ZFHX3: variants seen among roughly 807,000 people sequenced by gnomAD.
ZFHX3 encodes zinc finger homeobox protein 3.
In ZFHX3, 42 loss-of-function variants were observed where a neutral mutation model predicts 279.1. That is an observed-to-expected ratio of 0.15 (90% confidence interval 0.12 to 0.19). The LOEUF is 0.19. Ranked by LOEUF, ZFHX3 falls within the 10% of genes least tolerant of loss-of-function variation. The pLI, the probability that ZFHX3 is intolerant of heterozygous loss-of-function variation, is 1.00. For missense variants in ZFHX3, 4,981 were observed against 4,754.0 expected (o/e 1.05, Z -1.40); for synonymous variants, 2,293 against 1,957.8 (o/e 1.17, Z -4.52).
chr16:73,583,867 G>A (rs1366337610), intron 2 of ZFHX3, among the ~76,000 whole-genome samples: 1 of 152,044 alleles, frequency 6.6e-6, no homozygotes, highest in Admixed American at 6.6e-5. Context: ...TTCTGATAGA[G>A]ACTGTAATAT....
At chr16:73,541,952 C>T (rs1376861445) in intron 2 of ZFHX3, among the ~76,000 whole-genome samples, 1 of 151,844 alleles carries the variant, frequency 6.6e-6, no homozygotes, top group Non-Finnish European at 1.5e-5. Flanking sequence ...TAGGCACCTG[C>T]CACCGTGCCT....
chr16:73,461,292 G>A (rs2018466426), intron 2 of ZFHX3, among the ~76,000 whole-genome samples: 1 of 152,038 alleles, frequency 6.6e-6, no homozygotes, highest in Non-Finnish European at 1.5e-5. Context: ...TCTTTATATA[G>A]TCTAAATACT....
At chr16:73,338,917 G>A (rs1360614659) in intron 3 of ZFHX3, among the ~76,000 whole-genome samples, 1 of 152,124 alleles carries the variant, frequency 6.6e-6, no homozygotes, top group East Asian at 1.9e-4. Context: ...TAAAAAATGT[G>A]TGGCACCTAC....
chr16:73,796,021 G>A (rs148929942), intron 1 of ZFHX3, among the ~76,000 whole-genome samples: 2,552 of 152,282 alleles, frequency 0.017, 59 homozygotes, highest in African/African-American at 0.058. Context: ...CGGCCATTGC[G>A]TGAATCACAG....
rs143735837 is a variant in ZFHX3 at position 73,245,012 on chromosome 16, C to T, written c.-1104+12035G>A. The stretch of plus-strand genomic sequence containing the variant: ...ATTAACAGAGCCCAGCTCTATATAG[C>T]TTTGACCAGAGAAACTGGTGATCTC... On this transcript the variant is annotated intron_variant, in intron 5 of 17. Coordinates refer to the ZFHX3 transcript ENST00000641206. Among the ~76,000 whole-genome samples, 334 of 152,284 alleles carry T rather than the reference C, an allele frequency of 2.2e-3. 1 individual carries two copies. The highest frequency in any genetic ancestry group is 0.01 in the Middle Eastern group (3 of 294).
intron 2 of ZFHX3, among the ~76,000 whole-genome samples, chr16:73,519,565 T>C (rs1396478516): frequency 6.6e-6 from 1 of 152,138 alleles, no homozygotes; most frequent in African/African-American, 2.4e-5. Context: ...TTCCGTCCCA[T>C]TTTCTACCTC....
intron 1 of ZFHX3, among the ~76,000 whole-genome samples, chr16:73,030,910 C>A (rs148102186): frequency 5.3e-5 from 8 of 152,288 alleles, no homozygotes; most frequent in Non-Finnish European, 1.0e-4. Flanking sequence ...TGTGTCTTAG[C>A]AAGGAGCAAT....
rs1386481675 is a variant in ZFHX3, at chr16:72,958,422, T to A, written c.1724A>T (p.Glu575Val). 6.2e-7 allele frequency: 1 copy of A among 1,614,200 alleles called. No individual in the cohort carries two copies. The highest frequency in any genetic ancestry group is 1.1e-5 in the South Asian group (1 of 91,088). The change falls in exon 2 of 10, where the codon GAG becomes GTG. Residue 575 changes from glutamate (E) to valine (V), a missense_variant. By Grantham distance (121) the Glu-to-Val change is moderately radical. Around this residue, in one of 7 missense-constraint regions of ZFHX3, gnomAD observed 1,068 missense variants for 935.2 expected, o/e 1.14. Transcript: ENST00000268489. Reference protein sequence around the residue: ...NRRNRLSFNSEGVRANVAEGG... With the variant: ...NRRNRLSFNSVGVRANVAEGG... Reference sequence around the variant, plus strand: ...CTCTGCCACATTGGCCCTGACGCCCTCACTGTTAAAGCTTAAACGATTCCT... The same window carrying A: ...CTCTGCCACATTGGCCCTGACGCCCACACTGTTAAAGCTTAAACGATTCCT...
At chr16:73,037,492 A>T (rs1194860384) in intron 1 of ZFHX3, among the ~76,000 whole-genome samples, 2 of 152,158 alleles carry the variant, frequency 1.3e-5, no homozygotes, top group Admixed American at 1.3e-4. Flanking sequence ...CGACAGTTTC[A>T]ATAAGTCAAG....
At chr16:73,525,169 C>T (rs771261311) in intron 2 of ZFHX3, among the ~76,000 whole-genome samples, 4 of 152,172 alleles carry the variant, frequency 2.6e-5, no homozygotes, top group Non-Finnish European at 4.4e-5. Flanking sequence ...AATTCTCTCC[C>T]GACCTGGGGA....
intron 2 of ZFHX3, among the ~76,000 whole-genome samples, chr16:73,536,073 G>C (rs566970866): frequency 3.1e-4 from 47 of 152,194 alleles, no homozygotes; most frequent in Non-Finnish European, 5.6e-4. Context: ...GCTGGAGATG[G>C]TTTTAGATAC....
At chr16:73,512,612 A>T (rs553632412) in intron 2 of ZFHX3, among the ~76,000 whole-genome samples, 1 of 152,274 alleles carries the variant, frequency 6.6e-6, no homozygotes, top group Admixed American at 6.5e-5. Context: ...TAATGGAAAA[A>T]TAAGGTTCCA....
chr16:73,264,470 C>T (rs908286338), intron 4 of ZFHX3, among the ~76,000 whole-genome samples: 19 of 152,126 alleles, frequency 1.2e-4, no homozygotes, highest in African/African-American at 4.6e-4. Context: ...AAATGCCAGG[C>T]TCCTGATGAA....
chr16:73,371,409 G>C (rs2016626928), intron 3 of ZFHX3, among the ~76,000 whole-genome samples: 1 of 151,908 alleles, frequency 6.6e-6, no homozygotes, highest in Non-Finnish European at 1.5e-5. Context: ...TTTTGAGACA[G>C]AGTCTCGCCC....
At position 72,950,749 on chromosome 16, in the gene ZFHX3, A is replaced by G; in HGVS notation, c.2936T>C (p.Val979Ala). The stretch of plus-strand genomic sequence containing the variant: ...CTTGCACTGGTATGAGTCCCCCATC[A>G]CCGCCTTCCACTCGTCCTCCGACAG... The part of the protein sequence containing the change: ...RSLSEDEWKA[V>A]MGDSYQCKLC... The change falls in exon 3 of 10, where the codon GTG (valine) becomes GCG (alanine). Residue 979 changes from valine (V) to alanine (A), a missense_variant. This residue lies in a region of ZFHX3 where 1,751 missense variants were observed against 1,770.0 expected (regional missense o/e 0.99). Coordinates refer to ENST00000268489, the MANE Select transcript of ZFHX3 (RefSeq NM_006885.4). The G allele has an allele frequency of 6.2e-7, 1 of 1,614,034 alleles. No homozygotes were observed. The highest frequency in any genetic ancestry group is 8.5e-7 in the Non-Finnish European group (1 of 1,180,002).
At chr16:73,595,247 T>C (rs2143850334) in intron 2 of ZFHX3, among the ~76,000 whole-genome samples, 1 of 152,284 alleles carries the variant, frequency 6.6e-6, no homozygotes, top group Non-Finnish European at 1.5e-5. Context: ...ATCATATTTA[T>C]TTCTGCCTCC....
chr16:73,128,183 G>C (rs1435081920), intron 7 of ZFHX3, among the ~76,000 whole-genome samples: 1 of 152,138 alleles, frequency 6.6e-6, no homozygotes, highest in African/African-American at 2.4e-5. Context: ...GATACAGGGG[G>C]GCTGGGTTTT....
At chr16:73,370,325 T>C (rs959353276) in intron 3 of ZFHX3, among the ~76,000 whole-genome samples, 14 of 152,180 alleles carry the variant, frequency 9.2e-5, no homozygotes, top group Non-Finnish European at 2.1e-4. Flanking sequence ...TCAAAGCCAT[T>C]TGATTTTTTT....
intron 1 of ZFHX3, among the ~76,000 whole-genome samples, chr16:73,719,757 C>T (rs1489356842): frequency 2.0e-5 from 3 of 151,418 alleles, no homozygotes; most frequent in African/African-American, 7.3e-5. Flanking sequence ...CCTCAGCCTC[C>T]TGAGTAGCTG....
Sources: gnomAD v4.1 joint callset for allele counts (sites outside exome capture counted in the v4.1 genomes callset) on GRCh38, gnomAD v4.1.1 for gene constraint, gnomAD v4.1.1 regional missense constraint, MANE v1.5 for transcripts, NCBI Gene and HGNC (gene_info 2026-07-23, HGNC 2026-07-21) for gene names.